Variants in ECHDC2 observed in about 807,000 individuals in gnomAD.
The protein encoded by ECHDC2 is enoyl-CoA hydratase domain-containing protein 2, mitochondrial.
In ECHDC2, 34 loss-of-function variants were observed where a neutral mutation model predicts 40.6. That is an observed-to-expected ratio of 0.84 (90% CI 0.64 to 1.11). The LOEUF is 1.11. ECHDC2 is among the 50% of genes most tolerant of loss of function. The probability of loss-of-function intolerance (pLI) is 0.00; values close to 1 mark genes in which losing one functional copy is unlikely to be tolerated. For synonymous variants in ECHDC2, 162 were observed against 166.6 expected (o/e 0.97, Z 0.21); for missense variants, 392 against 400.7 (o/e 0.98, Z 0.19).
chr1:52,919,293 A>G (rs1227589744), intron 1 of ECHDC2, among the ~76,000 whole-genome samples: 1 of 152,180 alleles, frequency 6.6e-6, no homozygotes, highest in African/African-American at 2.4e-5. Flanking sequence ...GTAACTGCCC[A>G]GTACAGGTGT....
intron 3 of ECHDC2, among the ~76,000 whole-genome samples, chr1:52,910,574 G>A (rs1649223492): frequency 6.6e-6 from 1 of 151,710 alleles, no homozygotes; most frequent in African/African-American, 2.4e-5. Context: ...TCACCATATT[G>A]GTCAGGATGG....
At chr1:52,896,699 G>T in intron 9 of ECHDC2, 102 bp from the exon 10 acceptor site, 2 of 927,886 alleles carry the variant, frequency 2.2e-6, no homozygotes, top group Non-Finnish European at 3.4e-6. Context: ...GGGTCCAAGT[G>T]TTTCCATTGT....
At position 52,914,003 on chromosome 1, in the gene ECHDC2, C is replaced by T. The variant is rs1650132130; in HGVS notation, c.122-2213G>A. On this transcript the variant is annotated intron_variant, in intron 1 of 9. Coordinates refer to ENST00000371522, the MANE Select transcript of ECHDC2 (RefSeq NM_001198961.2). The surrounding 1 kb of genome is among the most constrained non-coding windows in gnomAD (Gnocchi z 4.0). ...GATTCTCTTCATTCACTCATTTGTACATTTATATATTTGCTGTGTGCTGGC... is the reference window on the plus strand; with the variant it reads ...GATTCTCTTCATTCACTCATTTGTATATTTATATATTTGCTGTGTGCTGGC... 2 of 1,224,578 alleles carry T rather than the reference C, an allele frequency of 1.6e-6. No individual in the cohort carries two copies. The highest frequency in any genetic ancestry group is 5.9e-5 in the East Asian group (1 of 16,848). The allele number at this position is 1,224,578 out of a possible 1,614,324, so 75.9% of individuals were successfully genotyped here.
chr1:52,897,864 G>A, intron 8 of ECHDC2: 1 of 334,466 alleles, frequency 3.0e-6, no homozygotes, highest in South Asian at 3.3e-5. Context: ...AATTTTCACA[G>A]CAAGGGTTAG....
chr1:52,917,223 GA>G (rs569946278), intron 1 of ECHDC2, among the ~76,000 whole-genome samples: 7,103 of 99,840 alleles, frequency 0.071, 536 homozygotes, highest in African/African-American at 0.22. Context: ...CCATCTCAAA[GA>G]AAAAAAAAAA....
rs1228686287 is a variant in ECHDC2 at position 52,905,037 on chromosome 1, C to G, written c.511G>C (p.Ala171Pro). The G allele has an allele frequency of 1.9e-6, 3 of 1,613,950 alleles. No homozygotes were observed. The highest frequency in any genetic ancestry group is 2.5e-6 in the Non-Finnish European group (3 of 1,179,934). Residue 171 changes from alanine (A) to proline (P), a missense_variant, in exon 6 of 10, where the codon GCA becomes CCA. Ala to Pro is a conservative substitution (Grantham distance 27). Coordinates refer to ENST00000371522, the MANE Select transcript of ECHDC2 (RefSeq NM_001198961.2). ...CGGGTGCTGTAGTTGCGATTACCTG[C>G]CCCCGGGAGGAGCCCTCGCGTGGTC... is the stretch of plus-strand genomic sequence containing the variant. ...IETTRGLLPG[A>P]GGTQRLPRCL... is the part of the protein sequence containing the mutation.
At chr1:52,911,347 C>CT (rs1238717973) in intron 3 of ECHDC2, among the ~76,000 whole-genome samples, 1 of 152,190 alleles carries the variant, frequency 6.6e-6, no homozygotes, top group Non-Finnish European at 1.5e-5. Context: ...TAACTAAGAT[C>CT]TAAGGGTTAG....
rs528553878 is a variant in ECHDC2, at chr1:52,904,510, A to G, written c.702+136T>C. 5.2e-6 allele frequency: 4 copies of G among 762,570 alleles called. No homozygotes were observed. In the East Asian group the frequency reaches 1.2e-4, roughly 22 times the overall value. 47.2% of individuals were successfully genotyped at this position (762,570 alleles called of 1,614,324 possible). On this transcript the variant is annotated intron_variant, in intron 7 of 9. Transcript: ENST00000371522. ...AATTTGACTTGATTGTGTTTACTGGATGGTTAAACAAACTCCAAAGAGGGT... is the reference window on the plus strand; with the variant it reads ...AATTTGACTTGATTGTGTTTACTGGGTGGTTAAACAAACTCCAAAGAGGGT...
intron 7 of ECHDC2, 90 bp from the exon 8 acceptor site, chr1:52,899,314 G>C: frequency 2.2e-5 from 27 of 1,236,632 alleles, no homozygotes; most frequent in African/African-American, 3.0e-5. Context: ...AAAGGAGGGA[G>C]GCAGATGTCT....
chr1:52,902,644 A>G (rs2150041993), intron 7 of ECHDC2, among the ~76,000 whole-genome samples: 1 of 152,342 alleles, frequency 6.6e-6, no homozygotes, highest in Middle Eastern at 3.4e-3. Context: ...AAAATGATGT[A>G]TGGTTAACTT....
Position 52,905,094 on chromosome 1 carries a change from C to A in ECHDC2, c.458-4G>T. 1 of 1,614,136 alleles carries A rather than the reference C, an allele frequency of 6.2e-7. No individual in the cohort carries two copies. The highest frequency in any genetic ancestry group is 8.5e-7 in the Non-Finnish European group (1 of 1,180,038). On this transcript the variant is annotated splice_region_variant and splice_polypyrimidine_tract_variant and intron_variant, in intron 5 of 9. Coordinates refer to ENST00000371522, the MANE Select transcript of ECHDC2 (RefSeq NM_001198961.2). Reference sequence around the variant, plus strand: ...AGTCCCATGACTGCCGAGGAAGCTGCTCAGATAGAACAAAGTGAGGCCTCC... The same window carrying A: ...AGTCCCATGACTGCCGAGGAAGCTGATCAGATAGAACAAAGTGAGGCCTCC...
chr1:52,896,421 TG>T lies in ECHDC2; in HGVS notation c.*98del. 1.1e-6 allele frequency: 1 copy of T among 932,602 alleles called. No homozygotes were observed. Among genetic ancestry groups the T allele is most frequent in the African/African-American group, 1.6e-5 (1 of 61,940 alleles). 57.8% of individuals were successfully genotyped at this position (932,602 alleles called of 1,614,324 possible). ...TCATCCTTGTGAAGAAATGGAAGTC[TG>T]GAGAGGTGAAATGATGAAGGCAATC... On this transcript the variant is annotated 3_prime_UTR_variant, in exon 10 of 10. Coordinates refer to ENST00000371522, the MANE Select transcript of ECHDC2 (RefSeq NM_001198961.2).
At chr1:52,900,701 G>A (rs1042127803) in intron 7 of ECHDC2, 2 of 152,186 alleles carry the variant, frequency 1.3e-5, no homozygotes, top group African/African-American at 4.8e-5. Context: ...TGACTGAAGG[G>A]TTACTGGGAT....
At chr1:52,897,900 C>T (rs887836592) in intron 8 of ECHDC2, 1 of 261,566 alleles carries the variant, frequency 3.8e-6, no homozygotes, top group Non-Finnish European at 7.6e-6. Flanking sequence ...GCTGAGAAAC[C>T]TGAGGCATAG....
intron 3 of ECHDC2, among the ~76,000 whole-genome samples, chr1:52,910,351 C>CTTT (rs1649085006): frequency 5.4e-5 from 2 of 36,790 alleles, no homozygotes; most frequent in African/African-American, 2.2e-4. Flanking sequence ...ACCACAATTT[C>CTTT]GTTTTTTTTT....
At position 52,914,555 on chromosome 1, in the gene ECHDC2, C is replaced by T. The variant is rs1347304055; in HGVS notation, c.122-2765G>A. 6.6e-6 allele frequency among the ~76,000 whole-genome samples: 1 copy of T among 152,142 alleles called. No individual in the cohort carries two copies. The highest frequency in any genetic ancestry group is 2.4e-5 in the African/African-American group (1 of 41,416). ...CCTCCCTTCCACAGCTAACACACGC[C>T]TGCCTCCTGTACACCCAGGGCTCCC... is the stretch of plus-strand genomic sequence containing the variant. On this transcript the variant is annotated intron_variant, in intron 1 of 9. Coordinates refer to ENST00000371522, the MANE Select transcript of ECHDC2 (RefSeq NM_001198961.2). This position sits in a 1 kb window ranked among gnomAD's most constrained non-coding sequence, Gnocchi z 4.0.
chr1:52,912,171 C>CT (rs1272702149), intron 1 of ECHDC2: 7,001 of 286,696 alleles, frequency 0.024, no homozygotes, highest in Non-Finnish European at 0.031. Flanking sequence ...CCATATTCAT[C>CT]TTTTTTTTTT....
intron 5 of ECHDC2, chr1:52,905,940 G>T (rs566740365): frequency 4.3e-6 from 1 of 230,196 alleles, no homozygotes; most frequent in Non-Finnish European, 8.6e-6. Flanking sequence ...AGAGAGCGGT[G>T]GGGGGAGAAG....
At chr1:52,919,113 G>C (rs1477232095) in intron 1 of ECHDC2, among the ~76,000 whole-genome samples, 1 of 152,138 alleles carries the variant, frequency 6.6e-6, no homozygotes, top group African/African-American at 2.4e-5. Flanking sequence ...AGGTGGAACA[G>C]TTTCATCCCC....
Sources: gnomAD v4.1 joint callset for allele counts (sites outside exome capture counted in the v4.1 genomes callset) on GRCh38, gnomAD v4.1.1 for gene constraint, Gnocchi (gnomAD v3.1) non-coding constraint, MANE v1.5 for transcripts, NCBI Gene and HGNC (gene_info 2026-07-23, HGNC 2026-07-21) for gene names.